The following PATJ variants were observed in gnomAD, a reference collection of about 807,000 sequenced individuals.
The protein encoded by PATJ is PATJ crumbs cell polarity complex component.
A neutral mutation model predicts 224.9 loss-of-function variants in PATJ; 190 were observed. The ratio of observed to expected loss-of-function variants is 0.84; its 90% CI spans 0.75 to 0.95. The LOEUF is 0.95. PATJ is among the 40% of genes least tolerant of loss of function. The pLI is 0.00. For missense variants in PATJ, 2,121 were observed against 2,270.3 expected (o/e 0.93, Z 1.34); for synonymous variants, 769 against 820.3 (o/e 0.94, Z 1.07).
intron 33 of PATJ, among the ~76,000 whole-genome samples, chr1:62,087,353 G>A (rs2148771313): frequency 6.6e-6 from 1 of 152,068 alleles, no homozygotes; most frequent in African/African-American, 2.4e-5. Flanking sequence ...TACCAACTGA[G>A]TCTGAGATCT....
In PATJ at chr1:61,801,754, G is replaced by C. The variant is rs760597794; in HGVS notation, c.1534G>C (p.Ala512Pro). 2 of 1,585,284 alleles carry C rather than the reference G, an allele frequency of 1.3e-6. No homozygotes were observed. Among genetic ancestry groups the C allele is most frequent in the Non-Finnish European group, 1.7e-6 (2 of 1,166,154 alleles). Reference sequence around the variant, plus strand: ...TACTTTAAAAAATGACAACATACAAGCCTTAGAAAAATTGGGTAGGCACAA... The same window carrying C: ...TACTTTAAAAAATGACAACATACAACCCTTAGAAAAATTGGGTAGGCACAA... ...IDTLKNDNIQALEKLEKVPDS... is the reference protein window; with the variant it reads ...IDTLKNDNIQPLEKLEKVPDS... The change falls in exon 12 of 44, where the codon GCC (alanine) becomes CCC (proline). Residue 512 changes from alanine to proline, a missense_variant. Transcript: ENST00000642238.
At chr1:62,027,402 T>A (rs894162556) in intron 29 of PATJ, among the ~76,000 whole-genome samples, 3 of 152,228 alleles carry the variant, frequency 2.0e-5, no homozygotes, top group Admixed American at 6.5e-5. Context: ...TTTTGGTGAC[T>A]GTAGATAATG....
chr1:61,951,578 T>C (rs1446444980), intron 27 of PATJ, among the ~76,000 whole-genome samples: 1 of 152,142 alleles, frequency 6.6e-6, no homozygotes, highest in Non-Finnish European at 1.5e-5. Flanking sequence ...CTGTAGCACT[T>C]TGAGTGAAAT....
intron 1 of PATJ, among the ~76,000 whole-genome samples, chr1:61,762,462 A>G (rs1326723074): frequency 6.6e-6 from 1 of 152,124 alleles, no homozygotes; most frequent in African/African-American, 2.4e-5. Context: ...AAATGCTGTA[A>G]ACTTTCATGT....
At chr1:61,964,483 A>G (rs1340263809) in intron 27 of PATJ, among the ~76,000 whole-genome samples, 2 of 152,312 alleles carry the variant, frequency 1.3e-5, no homozygotes, top group African/African-American at 4.8e-5. Context: ...AAAGATTTCC[A>G]TGACACATAG....
intron 41 of PATJ, among the ~76,000 whole-genome samples, chr1:62,142,542 T>C (rs942164857): frequency 1.3e-5 from 2 of 152,232 alleles, no homozygotes; most frequent in African/African-American, 4.8e-5. Context: ...TGTTATGTGC[T>C]AGACACATTA....
intron 13 of PATJ, among the ~76,000 whole-genome samples, chr1:61,807,288 C>A (rs1182532856): frequency 6.6e-6 from 1 of 152,148 alleles, no homozygotes; most frequent in Non-Finnish European, 1.5e-5. Context: ...AGTGATCTCC[C>A]ACCTCAGCCT....
intron 28 of PATJ, among the ~76,000 whole-genome samples, chr1:62,005,948 C>T (rs1646066750): frequency 6.6e-6 from 1 of 152,100 alleles, no homozygotes; most frequent in South Asian, 2.1e-4. Context: ...GATATTCACA[C>T]CTCAGGCAAA....
rs113938436 is a variant in PATJ at position 62,133,745 on chromosome 1, CTTT to C, written c.5271+4817_5271+4819del. 8.3e-5 allele frequency among the ~76,000 whole-genome samples: 10 copies of C among 121,164 alleles called. No individual in the cohort carries two copies. In the South Asian group the frequency reaches 8.3e-4, roughly 10 times the overall value. 79.5% of individuals were successfully genotyped at this position (121,164 alleles called of 152,430 possible). ...GAGTGGAGTGGGATTCAAGAATTTG[CTTT>C]TTTTTTTTTTTTTTTTGAGACAGAG... On this transcript the variant is annotated intron_variant, in intron 41 of 43. Coordinates refer to ENST00000642238, the MANE Select transcript of PATJ (RefSeq NM_001350145.3).
At chr1:62,121,818 C>A (rs1665094498) in intron 38 of PATJ, among the ~76,000 whole-genome samples, 1 of 151,334 alleles carries the variant, frequency 6.6e-6, no homozygotes, top group Non-Finnish European at 1.5e-5. Context: ...ACACAAAGCA[C>A]CTGAAAAACA....
intron 31 of PATJ, among the ~76,000 whole-genome samples, chr1:62,052,543 A>T (rs929032377): frequency 3.3e-5 from 5 of 152,046 alleles, no homozygotes; most frequent in African/African-American, 1.2e-4. Flanking sequence ...GGAGTTCAAG[A>T]CCAGCCTGAC....
chr1:61,768,472 A>AAAATAAAT lies in PATJ; in HGVS notation c.385-793_385-786dup, dbSNP rs141005824. Among the ~76,000 whole-genome samples, 334 of 149,408 alleles carry AAAATAAAT rather than the reference A, an allele frequency of 2.2e-3. 2 individuals carry two copies. The highest frequency in any genetic ancestry group is 7.2e-3 in the African/African-American group (293 of 40,616). ...GCGACAGAGTGAGACTCCGTCTCAAAAAATAAATAAATAAATAAATAAATA... is the reference window on the plus strand; with the variant it reads ...GCGACAGAGTGAGACTCCGTCTCAAAAAATAAATAAATAAATAAATAAATAAATAAATA... On this transcript the variant is annotated intron_variant, in intron 4 of 43. Coordinates refer to ENST00000642238, the MANE Select transcript of PATJ (RefSeq NM_001350145.3).
intron 17 of PATJ, among the ~76,000 whole-genome samples, chr1:61,838,308 C>T (rs559535736): frequency 3.3e-5 from 5 of 151,662 alleles, no homozygotes; most frequent in South Asian, 2.1e-4. Flanking sequence ...GCAAACAATG[C>T]GTGTAATTTG....
chr1:62,066,782 G>T (rs566969752), intron 31 of PATJ, among the ~76,000 whole-genome samples: 1 of 152,126 alleles, frequency 6.6e-6, no homozygotes, highest in Admixed American at 6.6e-5. Context: ...CAGACTTTGG[G>T]GTTTTTATGG....
At chr1:61,757,374 A>G (rs116028086) in intron 1 of PATJ, among the ~76,000 whole-genome samples, 1,555 of 150,936 alleles carry the variant, frequency 0.01, 30 homozygotes, top group African/African-American at 0.035. Flanking sequence ...ATTGGGCCCT[A>G]TTTTTCATTA....
rs139981177 is a variant in PATJ at position 62,033,004 on chromosome 1, C to G, written c.3960-4973C>G. Among the ~76,000 whole-genome samples, 194 of 152,188 alleles carry G rather than the reference C, an allele frequency of 1.3e-3. 1 individual carries two copies. Among genetic ancestry groups the G allele is most frequent in the African/African-American group, 4.6e-3 (191 of 41,524 alleles). On this transcript the variant is annotated intron_variant, in intron 29 of 43. Coordinates refer to ENST00000642238, the MANE Select transcript of PATJ (RefSeq NM_001350145.3). ...ACAAGAACAGCATGGGGGAAACTGC[C>G]CCCATGATTCAGTTACCTCCACCTG...
intron 1 of PATJ, among the ~76,000 whole-genome samples, chr1:61,754,378 T>G (rs997094236): frequency 1.3e-5 from 2 of 152,120 alleles, no homozygotes; most frequent in African/African-American, 4.8e-5. Context: ...TTACTTGTGT[T>G]TCTTCCTTTT....
At chr1:62,133,745 C>CTTT (rs113938436) in intron 41 of PATJ, among the ~76,000 whole-genome samples, 23 of 121,172 alleles carry the variant, frequency 1.9e-4, no homozygotes, top group Non-Finnish European at 2.7e-4. Flanking sequence ...CAAGAATTTG[C>CTTT]TTTTTTTTTT....
chr1:62,092,440 A>T (rs1438837927), intron 33 of PATJ, among the ~76,000 whole-genome samples: 4 of 151,644 alleles, frequency 2.6e-5, no homozygotes, highest in African/African-American at 9.7e-5. Context: ...ATTCTTAATG[A>T]TAAAAAGTCC....
Sources: allele counts gnomAD v4.1 joint callset (sites outside exome capture counted in the v4.1 genomes callset), GRCh38; gene constraint gnomAD v4.1.1; transcripts MANE v1.5; gene names NCBI Gene and HGNC (gene_info 2026-07-23, HGNC 2026-07-21).